Variants in PKNOX2 observed in about 807,000 individuals in gnomAD.
PKNOX2 encodes homeobox protein PKNOX2.
A neutral mutation model predicts 53.1 loss-of-function variants in PKNOX2; 14 were observed. The observed-to-expected ratio is 0.26, with a 90% CI of 0.17 to 0.41. PKNOX2 has a LOEUF of 0.41. PKNOX2 is among the 10% of genes least tolerant of loss of function. The pLI is 1.00. For synonymous variants in PKNOX2, 257 were observed against 242.8 expected, an observed-to-expected ratio of 1.06 and a Z score of -0.54; for missense variants, 496 against 602.8, an observed-to-expected ratio of 0.82 and a Z score of 1.85.
chr11:125,403,397 G>T (rs1251239076), intron 7 of PKNOX2, among the ~76,000 whole-genome samples: 1 of 152,136 alleles, frequency 6.6e-6, no homozygotes, highest in Non-Finnish European at 1.5e-5. Context: ...ATCTTGTATT[G>T]GTCCAAGAAG....
chr11:125,199,607 G>A (rs188601772), intron 1 of PKNOX2, among the ~76,000 whole-genome samples: 1 of 152,292 alleles, frequency 6.6e-6, no homozygotes, highest in Non-Finnish European at 1.5e-5. Context: ...ACTTTGGGAG[G>A]CCAAGGCCGG....
intron 6 of PKNOX2, among the ~76,000 whole-genome samples, chr11:125,392,549 A>G (rs1954113866): frequency 6.6e-6 from 1 of 152,276 alleles, no homozygotes; most frequent in African/African-American, 2.4e-5. Flanking sequence ...AGACCAAAGG[A>G]TAAGTCCACT....
chr11:125,263,269 C>A (rs1334939140), intron 2 of PKNOX2, among the ~76,000 whole-genome samples: 2 of 152,248 alleles, frequency 1.3e-5, no homozygotes, highest in Non-Finnish European at 2.9e-5. Flanking sequence ...AGCTCCCCCA[C>A]CCCACCCCCA....
intron 6 of PKNOX2, among the ~76,000 whole-genome samples, chr11:125,387,183 G>A (rs548694549): frequency 1.4e-4 from 22 of 152,246 alleles, no homozygotes; most frequent in East Asian, 9.7e-4. Context: ...GACTGCAGTC[G>A]GGGAGCAGAT....
At chr11:125,194,384 G>A (rs1456584504) in intron 1 of PKNOX2, among the ~76,000 whole-genome samples, 1 of 152,166 alleles carries the variant, frequency 6.6e-6, no homozygotes, top group Non-Finnish European at 1.5e-5. Context: ...TCTTTTCAGG[G>A]TCTCCTGAGA....
chr11:125,179,993 A>G (rs552846908), intron 1 of PKNOX2, among the ~76,000 whole-genome samples: 18 of 152,248 alleles, frequency 1.2e-4, no homozygotes, highest in Admixed American at 1.2e-3. Context: ...CTCCTCCCCA[A>G]TTCATGTCCT....
intron 2 of PKNOX2, among the ~76,000 whole-genome samples, chr11:125,248,469 C>T (rs1943728566): frequency 6.6e-6 from 1 of 152,010 alleles, no homozygotes; most frequent in African/African-American, 2.4e-5. Context: ...TGCGACTTTA[C>T]TTATTTGTAT....
chr11:125,397,988 A>T lies in PKNOX2; in HGVS notation c.514A>T (p.Ser172Cys), dbSNP rs1954512967. ...CACCTGCCTCAAAACCAAGATGCAC[A>T]GCGACAACCTGCTCAGGAATGATCT... ...YITCLKTKMH[S>C]DNLLRNDLGG... Residue 172 changes from serine to cysteine, a missense_variant, in exon 7 of 13, where the codon AGC becomes TGC. Around this residue, in one of 5 missense-constraint regions of PKNOX2, gnomAD observed 141 missense variants for 143.9 expected, o/e 0.98. Coordinates refer to ENST00000298282, the MANE Select transcript of PKNOX2 (RefSeq NM_001382323.2). 6.2e-7 allele frequency: 1 copy of T among 1,614,156 alleles called. No homozygotes were observed. Among genetic ancestry groups the T allele is most frequent in the South Asian group, 1.1e-5 (1 of 91,086 alleles).
chr11:125,170,055 A>C (rs1175549735), intron 1 of PKNOX2, among the ~76,000 whole-genome samples: 1 of 152,124 alleles, frequency 6.6e-6, no homozygotes, highest in Non-Finnish European at 1.5e-5. Context: ...CTGAGCCCTG[A>C]CTGGTGTGTG....
intron 1 of PKNOX2, among the ~76,000 whole-genome samples, chr11:125,189,425 G>GTGTATATATATA (rs1956678793): frequency 2.3e-5 from 1 of 43,736 alleles, no homozygotes; most frequent in Admixed American, 3.5e-4. Flanking sequence ...GTGTGTGTGT[G>GTGTATATATATA]TGTGTGTGTG....
At chr11:125,292,915 G>A (rs1381105501) in intron 2 of PKNOX2, among the ~76,000 whole-genome samples, 3 of 150,842 alleles carry the variant, frequency 2.0e-5, no homozygotes, top group East Asian at 2.0e-4. Context: ...AAGCCACAAA[G>A]TGGGAGACGA....
At chr11:125,369,210 C>T (rs554575525) in intron 5 of PKNOX2, among the ~76,000 whole-genome samples, 26 of 152,340 alleles carry the variant, frequency 1.7e-4, no homozygotes, top group East Asian at 5.8e-4. Context: ...CCTCTGATCA[C>T]GGATCCTGGC....
chr11:125,284,524 G>A (rs1485801874), intron 2 of PKNOX2, among the ~76,000 whole-genome samples: 1 of 152,286 alleles, frequency 6.6e-6, no homozygotes. Flanking sequence ...TGCTGTGCTC[G>A]GCTGGCTTCC....
intron 1 of PKNOX2, among the ~76,000 whole-genome samples, chr11:125,179,318 A>G (rs958031488): frequency 9.9e-5 from 15 of 152,124 alleles, no homozygotes; most frequent in African/African-American, 3.1e-4. Context: ...TGAGAATATG[A>G]ATGACATACG....
chr11:125,170,007 T>C (rs1035848846), intron 1 of PKNOX2, among the ~76,000 whole-genome samples: 4 of 152,322 alleles, frequency 2.6e-5, no homozygotes, highest in South Asian at 2.1e-4. Flanking sequence ...TTATCAGAAA[T>C]GCAGCCCCTT....
At chr11:125,404,636 A>ACACACACACACCAC (rs1954964444) in intron 7 of PKNOX2, among the ~76,000 whole-genome samples, 2 of 151,702 alleles carry the variant, frequency 1.3e-5, no homozygotes, top group East Asian at 3.9e-4. Flanking sequence ...ACACACACAA[A>ACACACACACACCAC]CACACACACA....
chr11:125,233,215 C>T (rs1459365810), intron 1 of PKNOX2, among the ~76,000 whole-genome samples: 1 of 152,192 alleles, frequency 6.6e-6, no homozygotes, highest in East Asian at 1.9e-4. Flanking sequence ...AACTGCTTTT[C>T]TCAGCTTTGC....
intron 1 of PKNOX2, among the ~76,000 whole-genome samples, chr11:125,222,709 CTGTGTATG>C (rs1941314269): frequency 7.9e-6 from 1 of 126,892 alleles, no homozygotes; most frequent in East Asian, 2.3e-4. Flanking sequence ...TGTGTGTGTG[CTGTGTATG>C]TGTGTGTGTA....
chr11:125,231,751 G>A (rs1169405743), intron 1 of PKNOX2, among the ~76,000 whole-genome samples: 1 of 152,014 alleles, frequency 6.6e-6, no homozygotes, highest in East Asian at 1.9e-4. Context: ...GAGAGAGAGA[G>A]AAAATGATGC....
Sources: gnomAD v4.1 joint callset for allele counts (sites outside exome capture counted in the v4.1 genomes callset) on GRCh38, gnomAD v4.1.1 for gene constraint, gnomAD v4.1.1 regional missense constraint, MANE v1.5 for transcripts, NCBI Gene and HGNC (gene_info 2026-07-23, HGNC 2026-07-21) for gene names.